ANK2: variants seen among roughly 807,000 people sequenced by gnomAD.
ANK2 encodes the protein ankyrin 2.
ANK2 carries 83 observed loss-of-function variants against 360.5 expected under a neutral mutation model. That is an observed-to-expected ratio of 0.23 (90% CI 0.19 to 0.28). The LOEUF is 0.28. Among genes scored for constraint, ANK2 ranks in the 10% least tolerant of loss-of-function variants. The pLI, the probability that ANK2 is intolerant of heterozygous loss-of-function variation, is 1.00. For missense variants in ANK2, 4,201 were observed against 4,795.7 expected (o/e 0.88, Z 3.66); for synonymous variants, 1,740 against 1,759.5 (o/e 0.99, Z 0.28).
chr4:113,211,780 A>G lies in ANK2; in HGVS notation c.384+12671A>G, dbSNP rs193047522. Among the ~76,000 whole-genome samples the G allele has an allele frequency of 2.6e-4, 40 of 152,314 alleles. 1 individual carries two copies. The highest frequency in any genetic ancestry group is 3.2e-4 in the Non-Finnish European group (22 of 68,012). ...CTTCTGATATCTGGCTAAATACTCC[A>G]TATGTTTGTAACATGAATATATTCT... On this transcript the variant is annotated intron_variant, in intron 4 of 45. Coordinates refer to ENST00000357077, the MANE Select transcript of ANK2 (RefSeq NM_001148.6).
chr4:112,945,439 G>C (rs546382816), intron 2 of ANK2, among the ~76,000 whole-genome samples: 43 of 152,246 alleles, frequency 2.8e-4, no homozygotes, highest in African/African-American at 1.0e-3. Flanking sequence ...TAGACATAGT[G>C]CCTCATTACA....
At chr4:112,732,467 A>G in the ANK2 span, among the ~76,000 whole-genome samples, 1 of 152,020 alleles carries the variant, frequency 6.6e-6, no homozygotes, top group Non-Finnish European at 1.5e-5. Flanking sequence ...GGCTAGTCTC[A>G]AACTTCTGGC....
At chr4:112,715,698 T>G in the ANK2 span, among the ~76,000 whole-genome samples, 1 of 152,046 alleles carries the variant, frequency 6.6e-6, no homozygotes, top group Non-Finnish European at 1.5e-5. Context: ...GTTTGGAGAG[T>G]GTTACACAGT....
At chr4:113,279,733 T>C (rs1420813221) in intron 17 of ANK2, among the ~76,000 whole-genome samples, 2 of 149,316 alleles carry the variant, frequency 1.3e-5, no homozygotes, top group African/African-American at 4.9e-5. Flanking sequence ...TATAACTTTG[T>C]ACACATACAT....
chr4:112,956,769 C>T (rs1375123934), intron 2 of ANK2, among the ~76,000 whole-genome samples: 2 of 152,146 alleles, frequency 1.3e-5, no homozygotes, highest in Non-Finnish European at 2.9e-5. Context: ...TATTGGGCAT[C>T]CCTAAAAGAT....
At chr4:112,823,241 G>A (rs1274450370) in intron 1 of ANK2, among the ~76,000 whole-genome samples, 3 of 152,158 alleles carry the variant, frequency 2.0e-5, no homozygotes, top group African/African-American at 4.8e-5. Context: ...TTGAGTGAGG[G>A]TATCTCTTCA....
At chr4:113,255,588 C>A in intron 10 of ANK2, 147 bp from the exon 11 acceptor site, 4 of 756,062 alleles carry the variant, frequency 5.3e-6, no homozygotes, top group Non-Finnish European at 8.7e-6. Context: ...GAAATATAGT[C>A]TGCTGTATAT....
chr4:113,230,574 G>A (rs2099279445), intron 4 of ANK2, among the ~76,000 whole-genome samples: 2 of 152,020 alleles, frequency 1.3e-5, no homozygotes, highest in Admixed American at 6.6e-5. Flanking sequence ...ACGCTGATCT[G>A]TGTTTTTACT....
chr4:112,864,856 C>A (rs1450854181), intron 1 of ANK2, among the ~76,000 whole-genome samples: 1 of 150,198 alleles, frequency 6.7e-6, no homozygotes, highest in African/African-American at 2.4e-5. Context: ...CACGTTGAAA[C>A]CCCGTCTCTA....
the ANK2 span, among the ~76,000 whole-genome samples, chr4:112,763,160 G>A: frequency 4.1e-4 from 63 of 152,188 alleles, no homozygotes; most frequent in Admixed American, 2.1e-3. Context: ...CCCAGGCTCA[G>A]GTGATTCACT....
intron 2 of ANK2, among the ~76,000 whole-genome samples, chr4:113,041,881 TAA>T (rs2063051734): frequency 6.6e-6 from 1 of 152,130 alleles, no homozygotes. Context: ...GAGAGACAAA[TAA>T]TCTTTCTTCT....
intron 1 of ANK2, among the ~76,000 whole-genome samples, chr4:112,897,748 GCTCACCGTTTCA>G: frequency 1.3e-5 from 2 of 152,232 alleles, no homozygotes; most frequent in Middle Eastern, 3.4e-3. Context: ...AATTCCCCTT[GCTCACCGTTTCA>G]GCTAGCAGCG....
At chr4:113,151,532 C>A (rs567056805) in intron 1 of ANK2, among the ~76,000 whole-genome samples, 1 of 152,212 alleles carries the variant, frequency 6.6e-6, no homozygotes, top group South Asian at 2.1e-4. Context: ...ACCAGAATGG[C>A]ACTAAGCCAT....
chr4:112,788,804 C>T, the ANK2 span: 9 of 1,186,496 alleles, frequency 7.6e-6, no homozygotes, highest in South Asian at 9.8e-5. Flanking sequence ...TCACCACTTT[C>T]TTAGCCTCCT....
At chr4:113,194,961 A>T (rs898599170) in intron 2 of ANK2, among the ~76,000 whole-genome samples, 63 of 152,148 alleles carry the variant, frequency 4.1e-4, no homozygotes, top group African/African-American at 1.5e-3. Flanking sequence ...ATAACCTGAC[A>T]CAGTGAAACT....
At chr4:113,290,714 C>T (rs1330779260) in intron 20 of ANK2, among the ~76,000 whole-genome samples, 2 of 152,272 alleles carry the variant, frequency 1.3e-5, no homozygotes, top group South Asian at 4.1e-4. Flanking sequence ...GAAAATAAAA[C>T]ATATTCATGA....
intron 1 of ANK2, among the ~76,000 whole-genome samples, chr4:113,064,000 A>G (rs1365300910): frequency 6.6e-6 from 1 of 152,056 alleles, no homozygotes; most frequent in Non-Finnish European, 1.5e-5. Context: ...CTGAAATTTG[A>G]TTTTTCCATA....
intron 1 of ANK2, among the ~76,000 whole-genome samples, chr4:113,170,350 G>T (rs1381693601): frequency 2.0e-5 from 3 of 152,190 alleles, no homozygotes; most frequent in African/African-American, 7.2e-5. Flanking sequence ...GGCTCGTCAT[G>T]TCCTGCCATG....
chr4:112,881,991 G>T, intron 1 of ANK2: 1 of 564,914 alleles, frequency 1.8e-6, no homozygotes, highest in South Asian at 1.9e-5. Context: ...AGCCCCCGGA[G>T]TGCTTGGTGC....
Sources: allele counts gnomAD v4.1 joint callset (sites outside exome capture counted in the v4.1 genomes callset), GRCh38; gene constraint gnomAD v4.1.1; transcripts MANE v1.5; gene names NCBI Gene and HGNC (gene_info 2026-07-23, HGNC 2026-07-21).